The following FGD5 variants were observed in gnomAD, a reference collection of about 807,000 sequenced individuals.
FGD5 encodes the protein FYVE, RhoGEF and PH domain-containing protein 5.
Under a neutral mutation model 133.4 loss-of-function variants are expected in FGD5, and 28 were observed. That is an observed-to-expected ratio of 0.21 (90% CI 0.16 to 0.29). The LOEUF is 0.29. Among genes scored for constraint, FGD5 ranks in the 10% least tolerant of loss-of-function variants. The pLI, the probability that FGD5 is intolerant of heterozygous loss-of-function variation, is 1.00. For synonymous variants in FGD5, 810 were observed against 776.5 expected, an observed-to-expected ratio of 1.04 and a Z score of -0.72; for missense variants, 1,858 against 1,895.2, an observed-to-expected ratio of 0.98 and a Z score of 0.36.
chr3:14,897,882 C>A (rs2038166638), intron 5 of FGD5, 57 bp from the exon 6 acceptor site: 1 of 1,605,510 alleles, frequency 6.2e-7, no homozygotes, highest in African/African-American at 1.3e-5. Flanking sequence ...CTGCTTCTAA[C>A]CCTGCGTTGG....
At position 14,820,482 on chromosome 3, in the gene FGD5, G is replaced by A. The variant is rs2125068034; in HGVS notation, c.1411G>A (p.Val471Ile). 1.9e-6 allele frequency: 3 copies of A among 1,613,988 alleles called. No individual in the cohort carries two copies. Among genetic ancestry groups the A allele is most frequent in the Non-Finnish European group, 2.5e-6 (3 of 1,179,886 alleles). ...GAACTGTGAGGCAGAGGGTGGCCTGGTTCCCGCGGACAGGAAGAACACCAG... is the reference window on the plus strand; with the variant it reads ...GAACTGTGAGGCAGAGGGTGGCCTGATTCCCGCGGACAGGAAGAACACCAG... Reference protein sequence around the residue: ...ELNCEAEGGLVPADRKNTSTR... With the variant: ...ELNCEAEGGLIPADRKNTSTR... The change falls in exon 1 of 20, where the codon GTT (valine) becomes ATT (isoleucine). Residue 471 changes from valine (V) to isoleucine (I), a missense_variant. Around this residue, in one of 3 missense-constraint regions of FGD5, gnomAD observed 1,824 missense variants for 1,848.9 expected, o/e 0.99. Transcript: ENST00000285046.
chr3:14,880,868 C>T, intron 4 of FGD5, 96 bp downstream of exon 4: 2 of 1,495,436 alleles, frequency 1.3e-6, no homozygotes, highest in East Asian at 4.8e-5. Flanking sequence ...AGGTGATTTC[C>T]ATTAACAGAG....
chr3:14,866,404 G>A (rs1248531760), intron 2 of FGD5, among the ~76,000 whole-genome samples: 1 of 152,070 alleles, frequency 6.6e-6, no homozygotes, highest in Non-Finnish European at 1.5e-5. Flanking sequence ...GTGCAATTCT[G>A]GGGCCCTGGA....
At chr3:14,823,145 C>A (rs925456526) in intron 1 of FGD5, among the ~76,000 whole-genome samples, 1 of 152,192 alleles carries the variant, frequency 6.6e-6, no homozygotes, top group Non-Finnish European at 1.5e-5. Flanking sequence ...TCAGCAAGTT[C>A]ATTACATTAA....
At chr3:14,829,166 T>A (rs192276870) in intron 1 of FGD5, among the ~76,000 whole-genome samples, 2 of 151,820 alleles carry the variant, frequency 1.3e-5, no homozygotes, top group Non-Finnish European at 2.9e-5. Context: ...TGCGCTTGAG[T>A]CTGGAGAGTC....
At chr3:14,867,625 C>T (rs983954921) in intron 2 of FGD5, among the ~76,000 whole-genome samples, 12 of 151,174 alleles carry the variant, frequency 7.9e-5, no homozygotes, top group African/African-American at 2.4e-4. Context: ...TCCCCAACCA[C>T]GGAACCACTG....
rs531694612 is a variant in FGD5 at position 14,844,617 on chromosome 3, C to T, written c.2526-19511C>T. Reference sequence around the variant, plus strand: ...TAGGTTGCGGTGCTGAATATCTTGCCTGTCAGTCAGCTTTGGCATAAAACC... The same window carrying T: ...TAGGTTGCGGTGCTGAATATCTTGCTTGTCAGTCAGCTTTGGCATAAAACC... On this transcript the variant is annotated intron_variant, in intron 1 of 19. Coordinates refer to ENST00000285046, the MANE Select transcript of FGD5 (RefSeq NM_152536.4). 2.0e-5 allele frequency among the ~76,000 whole-genome samples: 3 copies of T among 152,158 alleles called. No homozygotes were observed. In the South Asian group the frequency reaches 6.2e-4, roughly 32 times the overall value.
chr3:14,821,003 C>G lies in FGD5; in HGVS notation c.1932C>G (p.Asp644Glu). Residue 644 changes from aspartate (D) to glutamate (E), a missense_variant, in exon 1 of 20, where the codon GAC becomes GAG. This residue lies in a region of FGD5 where 1,824 missense variants were observed against 1,848.9 expected (regional missense o/e 0.99). Coordinates refer to ENST00000285046, the MANE Select transcript of FGD5 (RefSeq NM_152536.4). Reference protein sequence around the residue: ...PSLLIESDSPDKYKKKKSSFK... With the variant: ...PSLLIESDSPEKYKKKKSSFK... ...TCCTGATCGAGAGCGACTCCCCGGA[C>G]AAGTACAAGAAGAAGAAGTCATCCT... 1 of 1,613,916 alleles carries G rather than the reference C, an allele frequency of 6.2e-7. No homozygotes were observed. The highest frequency in any genetic ancestry group is 8.5e-7 in the Non-Finnish European group (1 of 1,179,878).
intron 1 of FGD5, among the ~76,000 whole-genome samples, chr3:14,835,892 G>T (rs1358269312): frequency 6.6e-6 from 1 of 152,156 alleles, no homozygotes; most frequent in Non-Finnish European, 1.5e-5. Flanking sequence ...CTTGGTAATT[G>T]TTATTTTGAT....
chr3:14,844,273 A>G (rs1194953218), intron 1 of FGD5, among the ~76,000 whole-genome samples: 2 of 75,620 alleles, frequency 2.6e-5, no homozygotes, highest in South Asian at 5.1e-4. Flanking sequence ...TATATATATA[A>G]TGCAGGTTTC....
At position 14,922,983 on chromosome 3, in the gene FGD5, A is replaced by G. The variant is rs1575262010; in HGVS notation, c.3808-63A>G. On this transcript the variant is annotated intron_variant, in intron 15 of 19. Coordinates refer to ENST00000285046, the MANE Select transcript of FGD5 (RefSeq NM_152536.4). This position sits in a 1 kb window ranked among gnomAD's most constrained non-coding sequence, Gnocchi z 4.1. ...TGGATTAGCAGAGGGAGCGGAGGGG[A>G]GGGGTGCAGGTCTCCTTTGCATGCA... is the stretch of plus-strand genomic sequence containing the variant. The G allele has an allele frequency of 6.2e-7, 1 of 1,605,620 alleles. No homozygotes were observed. The highest frequency in any genetic ancestry group is 8.5e-7 in the Non-Finnish European group (1 of 1,174,044).
Position 14,900,526 on chromosome 3 carries a change from C to G in FGD5, c.3205+73C>G, listed in dbSNP as rs932357791. ...TCCTTGCGCCAAAGCCTGGACCCTG[C>G]CCCAATTCCAAGGCCCAGGATATAG... On this transcript the variant is annotated intron_variant, in intron 8 of 19. Coordinates refer to ENST00000285046, the MANE Select transcript of FGD5 (RefSeq NM_152536.4). 100 of 1,541,784 alleles carry G rather than the reference C, an allele frequency of 6.5e-5. No homozygotes were observed. The African/African-American group carries it at 1.3e-3, about 21-fold the overall frequency.
At chr3:14,925,384 C>A (rs2125160154) in intron 17 of FGD5, among the ~76,000 whole-genome samples, 1 of 152,082 alleles carries the variant, frequency 6.6e-6, no homozygotes, top group Admixed American at 6.5e-5. Flanking sequence ...ATTTCATAAT[C>A]ACATATATGT....
intron 1 of FGD5, among the ~76,000 whole-genome samples, chr3:14,842,613 G>C (rs1156687814): frequency 6.6e-6 from 1 of 152,220 alleles, no homozygotes; most frequent in African/African-American, 2.4e-5. Context: ...GGAAGACTTT[G>C]TGCTATCTGT....
intron 1 of FGD5, among the ~76,000 whole-genome samples, chr3:14,831,546 T>C (rs2036707715): frequency 6.6e-6 from 1 of 152,028 alleles, no homozygotes; most frequent in Admixed American, 6.6e-5. Flanking sequence ...AGGTCCCCCA[T>C]CTGAGTGCTC....
Position 14,821,051 on chromosome 3 carries a change from G to T in FGD5, c.1980G>T (p.Thr660=). Residue 660 remains threonine (T), a synonymous_variant, in exon 1 of 20, where the codon ACG becomes ACT. Coordinates refer to ENST00000285046, the MANE Select transcript of FGD5 (RefSeq NM_152536.4). ...CCTTTAAGCGCTTCCTGGCACTGAC[G>T]TTTAAGAAGAAGACGGAGAACAAAT... ...KSSFKRFLAL[T]FKKKTENKLH... is the part of the protein sequence containing the mutation. The T allele has an allele frequency of 1.2e-6, 2 of 1,613,946 alleles. No homozygotes were observed. Among genetic ancestry groups the T allele is most frequent in the Non-Finnish European group, 8.5e-7 (1 of 1,179,888 alleles).
In FGD5 at chr3:14,917,177, A is replaced by G; in HGVS notation, c.3406-72A>G. The G allele has an allele frequency of 2.2e-6, 3 of 1,387,134 alleles. No individual in the cohort carries two copies. The highest frequency in any genetic ancestry group is 2.4e-5 in the East Asian group (1 of 41,136). 85.9% of individuals were successfully genotyped at this position (1,387,134 alleles called of 1,614,324 possible). A position where few individuals can be genotyped will look rare whatever the true frequency, so the allele number is the denominator to read the frequency against. ...TGCCTGTGCACAGCGGAGCTCAGGG[A>G]TCCTTTGAGGACAGAAGCCTGGCGC... On this transcript the variant is annotated intron_variant, in intron 11 of 19. Transcript: ENST00000285046. This position sits in a 1 kb window ranked among gnomAD's most constrained non-coding sequence, Gnocchi z 4.1.
intron 1 of FGD5, among the ~76,000 whole-genome samples, chr3:14,861,608 T>A (rs1205725538): frequency 6.6e-6 from 1 of 152,182 alleles, no homozygotes. Context: ...CTCCTTCCCC[T>A]TTCCAGGGGT....
chr3:14,885,820 G>A (rs561608428), intron 4 of FGD5, among the ~76,000 whole-genome samples: 1 of 152,178 alleles, frequency 6.6e-6, no homozygotes, highest in Non-Finnish European at 1.5e-5. Flanking sequence ...AGGTTCAATG[G>A]GAGGGGACAT....
Sources: allele counts gnomAD v4.1 joint callset (sites outside exome capture counted in the v4.1 genomes callset), GRCh38; gene constraint gnomAD v4.1.1; regional missense constraint gnomAD v4.1.1; non-coding constraint Gnocchi (gnomAD v3.1); transcripts MANE v1.5; gene names NCBI Gene and HGNC (gene_info 2026-07-23, HGNC 2026-07-21).